The following AAAS variants were observed in gnomAD, a reference collection of about 807,000 sequenced individuals.
AAAS encodes the protein aladin.
Under a neutral mutation model 75.6 loss-of-function variants are expected in AAAS, and 60 were observed. The ratio of observed to expected loss-of-function variants is 0.79; its 90% CI spans 0.64 to 0.98. The LOEUF (loss-of-function observed/expected upper bound fraction) is 0.98. Among genes scored for constraint, AAAS ranks in the 50% least tolerant of loss-of-function variants. The pLI is 0.00. For synonymous variants in AAAS, 271 were observed against 265.0 expected (o/e 1.02, Z -0.22); for missense variants, 658 against 686.9 (o/e 0.96, Z 0.47).
chr12:53,315,912 A>ATAGTT, intron 2 of AAAS, 130 bp from the exon 3 acceptor site: 1 of 1,004,334 alleles, frequency 1.0e-6, no homozygotes, highest in Non-Finnish European at 1.5e-6. Context: ...ACTATGTACC[A>ATAGTT]GGCACTCTAC....
chr12:53,314,923 G>A, intron 5 of AAAS, 74 bp from the exon 6 acceptor site: 2 of 1,511,462 alleles, frequency 1.3e-6, no homozygotes, highest in Non-Finnish European at 9.1e-7. Context: ...TTCATTTCCA[G>A]TAAGGACATG....
Position 53,314,388 on chromosome 12 carries a change from G to C in AAAS, c.599C>G (p.Ala200Gly). The C allele has an allele frequency of 6.2e-7, 1 of 1,614,158 alleles. No individual in the cohort carries two copies. The highest frequency in any genetic ancestry group is 8.5e-7 in the Non-Finnish European group (1 of 1,180,008). Residue 200 changes from alanine (A) to glycine (G), a missense_variant, in exon 7 of 16, where the codon GCC becomes GGC. Transcript: ENST00000209873. Reference sequence around the variant, plus strand: ...GACAGAGGCACTAAGGGGCTTCCAGGCCAGAGACGCCACATTTCGCTGCAG... The same window carrying C: ...GACAGAGGCACTAAGGGGCTTCCAGCCCAGAGACGCCACATTTCGCTGCAG... Reference protein sequence around the residue: ...HRLQRNVASLAWKPLSASVLA... With the variant: ...HRLQRNVASLGWKPLSASVLA...
chr12:53,321,361 G>A lies in AAAS; in HGVS notation c.105C>T (p.Pro35=). ...LVTGSSYESP[P]PDFRGQWINL... ...TGGCCACCTGGCCCCGGAAGTCGGGGGGCGGGCTCTCATAGCTACTGCCCG... is the reference window on the plus strand; with the variant it reads ...TGGCCACCTGGCCCCGGAAGTCGGGAGGCGGGCTCTCATAGCTACTGCCCG... Residue 35 remains proline, a synonymous_variant, in exon 1 of 16, where the codon CCC becomes CCT. Coordinates refer to ENST00000209873, the MANE Select transcript of AAAS (RefSeq NM_015665.6). 3.1e-6 allele frequency: 5 copies of A among 1,613,912 alleles called. No homozygotes were observed. The highest frequency in any genetic ancestry group is 4.2e-6 in the Non-Finnish European group (5 of 1,179,974).
rs1565776563 is a variant in AAAS, at chr12:53,308,090, A to C, written c.1293T>G (p.Phe431Leu). Residue 431 changes from phenylalanine (F) to leucine (L), a missense_variant, in exon 14 of 16, where the codon TTT becomes TTG. Physicochemically the swap from Phe to Leu is conservative, Grantham distance 22 (BLOSUM62 0). Coordinates refer to ENST00000209873, the MANE Select transcript of AAAS (RefSeq NM_015665.6). ...CAAACACAGGGCTGTTTCGAGTGCG[A>C]AAAAGGAGGATGACTGGTTTACCAT... ...VQDGKPVILL[F>L]RTRNSPVFEL... 1 of 1,614,204 alleles carries C rather than the reference A, an allele frequency of 6.2e-7. No homozygotes were observed. Among genetic ancestry groups the C allele is most frequent in the Admixed American group, 1.7e-5 (1 of 60,022 alleles).
At chr12:53,316,166 G>T (rs1944457864) in intron 2 of AAAS, among the ~76,000 whole-genome samples, 1 of 152,204 alleles carries the variant, frequency 6.6e-6, no homozygotes, top group Admixed American at 6.5e-5. Flanking sequence ...AATAGAAAAG[G>T]CCAGGCTGGC....
At position 53,321,555 on chromosome 12, in the gene AAAS, T is replaced by G. The variant is rs1944558972; in HGVS notation, c.-90A>C. On this transcript the variant is annotated 5_prime_UTR_variant, in exon 1 of 16. Coordinates refer to ENST00000209873, the MANE Select transcript of AAAS (RefSeq NM_015665.6). ...CCGCAACTCGGTTCCCGGGCTAGAT[T>G]CGTATGCGGACGGGTACCGCAAGGG... 2 of 1,602,528 alleles carry G rather than the reference T, an allele frequency of 1.2e-6. No individual in the cohort carries two copies. The highest frequency in any genetic ancestry group is 3.3e-5 in the Admixed American group (2 of 59,984).
intron 7 of AAAS, among the ~76,000 whole-genome samples, chr12:53,312,361 G>C (rs911481397): frequency 6.6e-6 from 1 of 152,116 alleles, no homozygotes; most frequent in Non-Finnish European, 1.5e-5. Context: ...GGATCACAAG[G>C]TCAGGAGTTC....
rs1335458949 is a variant in AAAS, at chr12:53,308,359, A to G, written c.1182-10T>C. On this transcript the variant is annotated splice_polypyrimidine_tract_variant and intron_variant, in intron 12 of 15. Coordinates refer to ENST00000209873, the MANE Select transcript of AAAS (RefSeq NM_015665.6). ...AGCCTCTCCCCCAAGCCTGTGGGTA[A>G]GGACAGGTTAGGAGAGTTTCAGTGT... The G allele has an allele frequency of 1.2e-6, 2 of 1,614,182 alleles. No individual in the cohort carries two copies. The highest frequency in any genetic ancestry group is 1.1e-5 in the South Asian group (1 of 91,088).
At chr12:53,316,764 CAAAAA>C (rs34520642) in intron 2 of AAAS, among the ~76,000 whole-genome samples, 3 of 77,202 alleles carry the variant, frequency 3.9e-5, no homozygotes, top group Admixed American at 1.7e-4. Context: ...CCATCTCAGA[CAAAAA>C]AAAAAAAAAA....
At position 53,307,660 on chromosome 12, in the gene AAAS, CTG is replaced by C. The variant is rs770771297; in HGVS notation, c.1468_1469del (p.Gln490ValfsTer5). 6.2e-7 allele frequency: 1 copy of C among 1,614,200 alleles called. No individual in the cohort carries two copies. Among genetic ancestry groups the C allele is most frequent in the Non-Finnish European group, 8.5e-7 (1 of 1,180,042 alleles). ...AHIPLYFVNA[Q>X]FPRFSPVLGR... ...CAAGCACTGGGCTAAAACGTGGAAA[CTG>C]GGCATTGACAAAGTACAGCGGGATG... On this transcript the variant is annotated frameshift_variant, in exon 16 of 16. Transcript: ENST00000209873. LOFTEE classifies it high-confidence loss of function.
At chr12:53,311,501 C>T (rs900541434) in intron 7 of AAAS, among the ~76,000 whole-genome samples, 4 of 152,240 alleles carry the variant, frequency 2.6e-5, no homozygotes. Flanking sequence ...ATAGTCCCAG[C>T]TACTTGGCAA....
chr12:53,313,611 A>ATT (rs113763735), intron 7 of AAAS, among the ~76,000 whole-genome samples: 7 of 137,362 alleles, frequency 5.1e-5, no homozygotes, highest in African/African-American at 1.3e-4. Context: ...TTTATTCATA[A>ATT]TTTTTTTTTT....
rs1555191469 is a variant in AAAS, at chr12:53,318,251, T to TGTGC, written c.251+2313_251+2314insGCAC. ...GTGTGTGTGTGTGTGTGTGCGTGTG[T>TGTGC]GTGTGTGTGTGTGTGTGTGTGTTAA... is the stretch of plus-strand genomic sequence containing the variant. On this transcript the variant is annotated intron_variant, in intron 2 of 15. Coordinates refer to ENST00000209873, the MANE Select transcript of AAAS (RefSeq NM_015665.6). Among the ~76,000 whole-genome samples, 146 of 137,204 alleles carry TGTGC rather than the reference T, an allele frequency of 1.1e-3. 3 individuals are homozygous for TGTGC. In the Middle Eastern group the frequency reaches 0.013, roughly 12 times the overall value. 90.0% of individuals were successfully genotyped at this position (137,204 alleles called of 152,430 possible).
intron 2 of AAAS, among the ~76,000 whole-genome samples, chr12:53,318,084 A>G (rs930329732): frequency 2.0e-5 from 3 of 152,104 alleles, no homozygotes; most frequent in African/African-American, 7.2e-5. Flanking sequence ...GCTGGAGTGC[A>G]ATATCACCAT....
intron 7 of AAAS, among the ~76,000 whole-genome samples, chr12:53,314,018 C>T (rs977325175): frequency 1.3e-5 from 2 of 152,052 alleles, no homozygotes; most frequent in Non-Finnish European, 2.9e-5. Context: ...ATTTTCTTTA[C>T]ACTTCCTTTA....
chr12:53,319,585 G>GCAGATTA (rs111343584), intron 2 of AAAS, among the ~76,000 whole-genome samples: 140,782 of 151,520 alleles, frequency 0.93, 66,313 homozygotes, highest in East Asian at 1. Flanking sequence ...GCCAAGGCAG[G>GCAGATTA]CCTGAGGTCA....
At chr12:53,312,548 G>A (rs10876425) in intron 7 of AAAS, among the ~76,000 whole-genome samples, 142,004 of 150,848 alleles carry the variant, frequency 0.94, 67,472 homozygotes, top group East Asian at 1. Flanking sequence ...CTGGGCAACA[G>A]GAGTGAAACT....
chr12:53,311,601 T>C (rs138164128), intron 7 of AAAS, among the ~76,000 whole-genome samples: 68 of 151,774 alleles, frequency 4.5e-4, no homozygotes, highest in African/African-American at 1.6e-3. Context: ...GGCAACATAA[T>C]GAAACCCCAT....
chr12:53,315,818 G>C, intron 2 of AAAS, 36 bp from the exon 3 acceptor site: 1 of 1,605,598 alleles, frequency 6.2e-7, no homozygotes, highest in Non-Finnish European at 8.5e-7. Flanking sequence ...AGCTTACTCT[G>C]ATCCCCTCTG....
Sources: gnomAD v4.1 joint callset for allele counts (sites outside exome capture counted in the v4.1 genomes callset) on GRCh38, gnomAD v4.1.1 for gene constraint, MANE v1.5 for transcripts, NCBI Gene and HGNC (gene_info 2026-07-23, HGNC 2026-07-21) for gene names.